Variants in RYR1 observed in about 807,000 individuals in gnomAD.
The protein encoded by RYR1 is central core disease of muscle.
Under a neutral mutation model 583.5 loss-of-function variants are expected in RYR1, and 342 were observed. That is an observed-to-expected ratio of 0.59 (90% CI 0.54 to 0.64). RYR1 has a LOEUF of 0.64. Among genes scored for constraint, RYR1 ranks in the 30% least tolerant of loss-of-function variants. RYR1 has a pLI of 0.00. For synonymous variants in RYR1, 2,791 were observed against 2,822.5 expected (o/e 0.99, Z 0.35); for missense variants, 6,032 against 6,917.2 (o/e 0.87, Z 4.54).
intron 78 of RYR1, among the ~76,000 whole-genome samples, chr19:38,534,473 C>T (rs1971877469): frequency 6.6e-6 from 1 of 152,214 alleles, no homozygotes; most frequent in African/African-American, 2.4e-5. Context: ...CCTGGAGGCC[C>T]ATGGGCCCAG....
rs370851939 is a variant in RYR1 at position 38,515,064 on chromosome 19, A to C, written c.9511A>C (p.Ser3171Arg). Residue 3171 changes from serine to arginine, a missense_variant, in exon 64 of 106, where the codon AGT becomes CGT. Around this residue, in one of 11 missense-constraint regions of RYR1, gnomAD observed 1,493 missense variants for 1,715.5 expected, o/e 0.87. Transcript: ENST00000359596. ...GGTCTCTTGCTACCGAACGCTGTGC[A>C]GTATCTACTCCCTGGGAACCACCAA... ...VQVSCYRTLC[S>R]IYSLGTTKNT... is the part of the protein sequence containing the mutation. 7 of 1,578,834 alleles carry C rather than the reference A, an allele frequency of 4.4e-6. No individual in the cohort carries two copies. Among genetic ancestry groups the C allele is most frequent in the Non-Finnish European group, 6.0e-6 (7 of 1,157,996 alleles).
At chr19:38,530,060 A>G (rs1388181081) in intron 76 of RYR1, among the ~76,000 whole-genome samples, 4 of 151,600 alleles carry the variant, frequency 2.6e-5, no homozygotes, top group African/African-American at 7.3e-5. Flanking sequence ...GCTCACTGCA[A>G]CCTCCGCCTC....
In RYR1 at chr19:38,486,001, C is replaced by G. The variant is rs762772302; in HGVS notation, c.5346C>G (p.Phe1782Leu). The G allele has an allele frequency of 6.2e-7, 1 of 1,613,428 alleles. No homozygotes were observed. Among genetic ancestry groups the G allele is most frequent in the South Asian group, 1.1e-5 (1 of 91,088 alleles). Residue 1782 changes from phenylalanine to leucine, a missense_variant, in exon 34 of 106, where the codon TTC becomes TTG. This residue lies in a region of RYR1 where 2,627 missense variants were observed against 2,961.3 expected (regional missense o/e 0.89). Coordinates refer to ENST00000359596, the MANE Select transcript of RYR1 (RefSeq NM_000540.3). ...RPPHHFSPPCFVAALPAAGAA... is the reference protein window; with the variant it reads ...RPPHHFSPPCLVAALPAAGAA... ...CGCATCATTTCTCGCCCCCCTGTTT[C>G]GTGGCCGCTCTGCCAGCTGCTGGGG...
intron 64 of RYR1, 119 bp downstream of exon 64, chr19:38,515,226 GCGGCAGCCGCGGTTCCCCA>G (rs900823934): frequency 2.4e-6 from 2 of 823,048 alleles, no homozygotes; most frequent in Non-Finnish European, 4.0e-6. Context: ...CCCGCACACG[GCGGCAGCCGCGGTTCCCCA>G]CGGCGGCCGC....
chr19:38,536,307 C>G (rs1326530916), intron 82 of RYR1, among the ~76,000 whole-genome samples: 2 of 124,762 alleles, frequency 1.6e-5, no homozygotes, highest in Non-Finnish European at 3.3e-5. Flanking sequence ...AGAAGTCATT[C>G]TGTCTTGTGT....
chr19:38,530,446 T>A (rs1443420135), intron 76 of RYR1, among the ~76,000 whole-genome samples: 1 of 147,364 alleles, frequency 6.8e-6, no homozygotes, highest in African/African-American at 2.5e-5. Context: ...TTTTTTTTTT[T>A]CTGGTAGAGA....
At chr19:38,448,177 A>G (rs1173822662) in intron 9 of RYR1, among the ~76,000 whole-genome samples, 178 bp from the exon 10 acceptor site, 1 of 152,050 alleles carries the variant, frequency 6.6e-6, no homozygotes, top group Non-Finnish European at 1.5e-5. Flanking sequence ...CATGCCTGTA[A>G]TCCCAGCACT....
At chr19:38,575,187 G>A (rs987955222) in intron 96 of RYR1, among the ~76,000 whole-genome samples, 4 of 152,202 alleles carry the variant, frequency 2.6e-5, no homozygotes, top group Non-Finnish European at 5.9e-5. Flanking sequence ...ACTGGAGTTG[G>A]TGCTGAGTTA....
chr19:38,435,109 G>A (rs1972369015), intron 1 of RYR1, among the ~76,000 whole-genome samples: 1 of 152,224 alleles, frequency 6.6e-6, no homozygotes, highest in Admixed American at 6.5e-5. Context: ...TCTAAACCAG[G>A]CCCTGTGCCC....
rs1970376535 is a variant in RYR1, at chr19:38,505,000, C to A, written c.8232-3C>A. 1 of 1,614,168 alleles carries A rather than the reference C, an allele frequency of 6.2e-7. No homozygotes were observed. On this transcript the variant is annotated splice_region_variant and splice_polypyrimidine_tract_variant and intron_variant, in intron 51 of 105. Coordinates refer to ENST00000359596, the MANE Select transcript of RYR1 (RefSeq NM_000540.3). Reference sequence around the variant, plus strand: ...ACATCTGCTGACCCTGTGCCCCCAACAGTGTGATCATCCCGGAGAAGCTGG... The same window carrying A: ...ACATCTGCTGACCCTGTGCCCCCAAAAGTGTGATCATCCCGGAGAAGCTGG...
chr19:38,451,492 A>G (rs1967072966), intron 11 of RYR1, among the ~76,000 whole-genome samples: 1 of 152,108 alleles, frequency 6.6e-6, no homozygotes, highest in South Asian at 2.1e-4. Context: ...AGAGAGATAG[A>G]GAGGGAGAGG....
chr19:38,437,627 C>T (rs1972484157), intron 1 of RYR1, among the ~76,000 whole-genome samples: 1 of 151,944 alleles, frequency 6.6e-6, no homozygotes, highest in Non-Finnish European at 1.5e-5. Context: ...ACAGCCTGGG[C>T]AACATAGGGA....
intron 17 of RYR1, 46 bp downstream of exon 17, chr19:38,457,676 C>G (rs779865263): frequency 1.3e-6 from 2 of 1,591,284 alleles, no homozygotes. Context: ...CCTCTCAACC[C>G]TCTCCCTGAC....
Position 38,442,775 on chromosome 19 carries a change from A to C in RYR1, c.270+322A>C, listed in dbSNP as rs73552302. Among the ~76,000 whole-genome samples, 5,783 of 152,094 alleles carry C rather than the reference A, an allele frequency of 0.038. 312 individuals carry two copies. Among genetic ancestry groups the C allele is most frequent in the African/African-American group, 0.11 (4,677 of 41,498 alleles). On this transcript the variant is annotated intron_variant, in intron 3 of 105. Transcript: ENST00000359596. ...TGGAGCCCAGAACAGGCCAGGCAGG[A>C]AGGAAGGAAGGGGATGGGGGCTTCT...
At chr19:38,486,284 T>C (rs1969292521) in intron 34 of RYR1, 82 bp downstream of exon 34, 1 of 1,514,024 alleles carries the variant, frequency 6.6e-7, no homozygotes, top group Non-Finnish European at 9.2e-7. Flanking sequence ...TCAATCCTCC[T>C]CTATTTATGC....
rs747504941 is a variant in RYR1, at chr19:38,433,823, C to T, written c.-7C>T. ...ACCTCAGACCCTGGGCTTCCGACCTCGACATCATGGGTGACGCAGAAGGCG... is the reference window on the plus strand; with the variant it reads ...ACCTCAGACCCTGGGCTTCCGACCTTGACATCATGGGTGACGCAGAAGGCG... On this transcript the variant is annotated 5_prime_UTR_variant, in exon 1 of 106. Transcript: ENST00000359596. The T allele has an allele frequency of 4.3e-6, 7 of 1,611,940 alleles. No individual in the cohort carries two copies. The highest frequency in any genetic ancestry group is 5.9e-6 in the Non-Finnish European group (7 of 1,178,876).
chr19:38,564,939 T>C lies in RYR1; in HGVS notation c.12625-20T>C, dbSNP rs1555799588. The stretch of plus-strand genomic sequence containing the variant: ...CCCCCGCTGACGGCGCCCTATCCTG[T>C]CTGCCGCCCCTCGCTTCAGGTGAAG... On this transcript the variant is annotated intron_variant, in intron 90 of 105. Transcript: ENST00000359596. The C allele has an allele frequency of 6.4e-7, 1 of 1,563,578 alleles. No homozygotes were observed. Among genetic ancestry groups the C allele is most frequent in the Non-Finnish European group, 8.7e-7 (1 of 1,155,774 alleles).
intron 35 of RYR1, among the ~76,000 whole-genome samples, chr19:38,489,779 C>T (rs1969469702): frequency 6.6e-6 from 1 of 152,192 alleles, no homozygotes; most frequent in Non-Finnish European, 1.5e-5. Flanking sequence ...CAGGCATGTG[C>T]CACCACGCCC....
intron 58 of RYR1, among the ~76,000 whole-genome samples, chr19:38,508,317 C>G (rs1970572362): frequency 6.6e-6 from 1 of 152,098 alleles, no homozygotes; most frequent in Non-Finnish European, 1.5e-5. Context: ...TCAAGCGATT[C>G]TCCTGCCTCA....
Sources: gnomAD v4.1 joint callset for allele counts (sites outside exome capture counted in the v4.1 genomes callset) on GRCh38, gnomAD v4.1.1 for gene constraint, gnomAD v4.1.1 regional missense constraint, MANE v1.5 for transcripts, NCBI Gene and HGNC (gene_info 2026-07-23, HGNC 2026-07-21) for gene names.